SLC12A9: variants seen among roughly 807,000 people sequenced by gnomAD.
SLC12A9 encodes solute carrier family 12 member 9, also known as CCC-interacting protein 1.
A neutral mutation model predicts 66.0 loss-of-function variants in SLC12A9; 55 were observed. The observed-to-expected ratio is 0.83, with a 90% confidence interval of 0.67 to 1.04. SLC12A9 has a LOEUF of 1.04. Ranked by LOEUF, SLC12A9 falls within the 50% of genes least tolerant of loss-of-function variation. The pLI is 0.00. For synonymous variants in SLC12A9, 577 were observed against 569.0 expected, an observed-to-expected ratio of 1.01 and a Z score of -0.20; for missense variants, 1,061 against 1,241.9, an observed-to-expected ratio of 0.85 and a Z score of 2.19.
rs1455172500 is a variant in SLC12A9, at chr7:100,866,194, TGGGGCGGCCGA to T, written c.2343_2353del (p.Glu782AlafsTer12). 16 of 1,607,866 alleles carry T rather than the reference TGGGGCGGCCGA, an allele frequency of 1.0e-5. No individual in the cohort carries two copies. Among genetic ancestry groups the T allele is most frequent in the Admixed American group, 1.7e-5 (1 of 59,762 alleles). On this transcript the variant is annotated frameshift_variant, in exon 14 of 14. Coordinates refer to ENST00000354161, the MANE Select transcript of SLC12A9 (RefSeq NM_020246.4). LOFTEE classifies it high-confidence loss of function. This position sits in a 1 kb window ranked among gnomAD's most constrained non-coding sequence, Gnocchi z 7.3. ...TGTGCCTGGGGCCTCGGGAGGCGCC[TGGGGCGGCCGA>T]GGGGCGGCTGCGGGCACTGCTGAGC... is the stretch of plus-strand genomic sequence containing the variant.
rs1334927417 is a variant in SLC12A9, at chr7:100,861,836, C to T, written c.1636C>T (p.Pro546Ser). The change falls in exon 12 of 14, where the codon CCT (proline) becomes TCT (serine). Residue 546 changes from proline to serine, a missense_variant. Coordinates refer to ENST00000354161, the MANE Select transcript of SLC12A9 (RefSeq NM_020246.4). This position sits in a 1 kb window ranked among gnomAD's most constrained non-coding sequence, Gnocchi z 5.3. ...LLVGNPRGAL[P>S]LLRLANQLKK... ...GGTGGGGAACCCCCGGGGCGCCCTG[C>T]CTCTGCTGCGGTTGGCCAACCAGCT... The T allele has an allele frequency of 1.2e-6, 2 of 1,614,038 alleles. No homozygotes were observed. Among genetic ancestry groups the T allele is most frequent in the Admixed American group, 1.7e-5 (1 of 60,020 alleles).
intron 4 of SLC12A9, 166 bp from the exon 5 acceptor site, chr7:100,856,702 G>C (rs1814407733): frequency 3.0e-6 from 2 of 661,462 alleles, no homozygotes; most frequent in Admixed American, 3.0e-5. Flanking sequence ...TGTGGAGCTG[G>C]GGTTTCACAA....
chr7:100,840,770 G>A (rs1008270242), intron 1 of SLC12A9, among the ~76,000 whole-genome samples: 7 of 151,848 alleles, frequency 4.6e-5, no homozygotes, highest in South Asian at 2.1e-4. Flanking sequence ...AAAAAAAAAA[G>A]GTGTACCCTA....
Position 100,866,092 on chromosome 7 carries a change from C to T in SLC12A9, c.2232C>T (p.Cys744=), listed in dbSNP as rs201555491. 1.4e-5 allele frequency: 23 copies of T among 1,612,974 alleles called. No individual in the cohort carries two copies. The highest frequency in any genetic ancestry group is 1.3e-4 in the East Asian group (6 of 44,858). The part of the protein sequence containing the change: ...PRGGPGYVDV[C]GLFLLQMATI... ...GTGGGCCCGGCTATGTGGATGTCTGCGGCCTCTTCCTGCTGCAGATGGCAA... is the reference window on the plus strand; with the variant it reads ...GTGGGCCCGGCTATGTGGATGTCTGTGGCCTCTTCCTGCTGCAGATGGCAA... Residue 744 remains cysteine, a synonymous_variant, in exon 14 of 14, where the codon TGC becomes TGT. Coordinates refer to ENST00000354161, the MANE Select transcript of SLC12A9 (RefSeq NM_020246.4). The surrounding 1 kb of genome is among the most constrained non-coding windows in gnomAD (Gnocchi z 7.3).
rs780596331 is a variant in SLC12A9, at chr7:100,858,856, C to G, written c.779C>G (p.Thr260Ser). The change falls in exon 6 of 14, where the codon ACC (threonine) becomes AGC (serine). Residue 260 changes from threonine (T) to serine (S), a missense_variant. Coordinates refer to ENST00000354161, the MANE Select transcript of SLC12A9 (RefSeq NM_020246.4). ...CTAGCTGGCTATGCTGAGGACTACA[C>G]CACGGGAGCCGTGATGAATTTTGCC... ...NLGAGYAEDYTTGAVMNFASV... is the reference protein window; with the variant it reads ...NLGAGYAEDYSTGAVMNFASV... 13 of 1,614,082 alleles carry G rather than the reference C, an allele frequency of 8.1e-6. No homozygotes were observed.
At chr7:100,837,101 A>G (rs1166454118) in intron 1 of SLC12A9, among the ~76,000 whole-genome samples, 1 of 152,088 alleles carries the variant, frequency 6.6e-6, no homozygotes, top group Non-Finnish European at 1.5e-5. Flanking sequence ...GATCTCCTCT[A>G]TATCTATACA....
intron 13 of SLC12A9, 121 bp downstream of exon 13, chr7:100,862,948 G>A: frequency 8.2e-7 from 1 of 1,222,178 alleles, no homozygotes; most frequent in South Asian, 1.4e-5. Flanking sequence ...TAGTCGAGAG[G>A]AGATAAGACA....
At position 100,860,015 on chromosome 7, in the gene SLC12A9, C is replaced by T. The variant is rs1432916908; in HGVS notation, c.1108C>T (p.His370Tyr). ...SSLIGASRIL[H>Y]ALARDDLFGV... ...GCTCATTGGTGCCTCCCGCATCCTC[C>T]ATGCCCTGGCCCGGGATGACCTCTT... is the stretch of plus-strand genomic sequence containing the variant. Residue 370 changes from histidine (H) to tyrosine (Y), a missense_variant, in exon 8 of 14, where the codon CAT becomes TAT. Coordinates refer to ENST00000354161, the MANE Select transcript of SLC12A9 (RefSeq NM_020246.4). 6.2e-7 allele frequency: 1 copy of T among 1,614,086 alleles called. No homozygotes were observed. The highest frequency in any genetic ancestry group is 8.5e-7 in the Non-Finnish European group (1 of 1,179,934).
chr7:100,827,316 G>T lies in SLC12A9; in HGVS notation n.228+269G>T, dbSNP rs189006064. ...GGAGTTGGGGTCCCTCCGGGGCCTC[G>T]GGGTCCCGCCCCGGGTGGCGGGGGC... On this transcript the variant is annotated intron_variant and non_coding_transcript_variant, in intron 1 of 1. Coordinates refer to the SLC12A9 transcript ENST00000461016. 227 of 152,352 alleles carry T rather than the reference G, an allele frequency of 1.5e-3. 3 individuals carry two copies. The highest frequency in any genetic ancestry group is 1.1e-3 in the Non-Finnish European group (79 of 68,796). The allele number at this position is 152,352 out of a possible 1,614,324, so 9.4% of individuals were successfully genotyped here. A position where few individuals can be genotyped will look rare whatever the true frequency, so the allele number is the denominator to read the frequency against.
intron 4 of SLC12A9, chr7:100,856,094 C>A: frequency 3.0e-6 from 1 of 330,650 alleles, no homozygotes; most frequent in South Asian, 5.1e-5. Flanking sequence ...CCAGGGAGAG[C>A]TAAGATGCTA....
At chr7:100,834,432 A>G (rs74940576) in intron 1 of SLC12A9, among the ~76,000 whole-genome samples, 1 of 152,244 alleles carries the variant, frequency 6.6e-6, no homozygotes, top group East Asian at 1.9e-4. Context: ...CCACTTATAC[A>G]ATTTTGGAGA....
Position 100,866,513 on chromosome 7 carries a change from C to T in SLC12A9, c.2653C>T (p.Arg885Cys), listed in dbSNP as rs779291642. 24 of 1,569,388 alleles carry T rather than the reference C, an allele frequency of 1.5e-5. No individual in the cohort carries two copies. The highest frequency in any genetic ancestry group is 8.1e-5 in the African/African-American group (6 of 74,162). Residue 885 changes from arginine to cysteine, a missense_variant, in exon 14 of 14, where the codon CGC becomes TGC. Transcript: ENST00000354161. This position sits in a 1 kb window ranked among gnomAD's most constrained non-coding sequence, Gnocchi z 7.3. ...GCCAGCCGATCCCGCCCGATACCCC[C>T]GCTACCTGGCGCTACTGGAGACTCT... The part of the protein sequence containing the change: ...RPPADPARYP[R>C]YLALLETLTR...
At chr7:100,851,691 C>T (rs1269181609), upstream of SLC12A9, among the ~76,000 whole-genome samples, 1 of 141,826 alleles carries the variant, frequency 7.1e-6, no homozygotes, top group Non-Finnish European at 1.5e-5. Context: ...ACTGCGGAGG[C>T]TGAGGCAGGA....
chr7:100,858,912 A>G lies in SLC12A9; in HGVS notation c.835A>G (p.Thr279Ala). 3 of 1,614,150 alleles carry G rather than the reference A, an allele frequency of 1.9e-6. No individual in the cohort carries two copies. Among genetic ancestry groups the G allele is most frequent in the Non-Finnish European group, 1.7e-6 (2 of 1,180,020 alleles). ...CTTTGCTGTCCTCTTTAACGGCTGT[A>G]CAGGCATCATGGCTGGGGCCAACAT... ...SVFAVLFNGC[T>A]GIMAGANMSG... Residue 279 changes from threonine (T) to alanine (A), a missense_variant, in exon 6 of 14, where the codon ACA becomes GCA. By Grantham distance (58) the Thr-to-Ala change is moderately conservative (BLOSUM62 0). Transcript: ENST00000354161.
At chr7:100,854,500 G>A (rs1261023039) in intron 2 of SLC12A9, 120 bp from the exon 3 acceptor site, 4 of 1,595,488 alleles carry the variant, frequency 2.5e-6, no homozygotes, top group South Asian at 1.1e-5. Flanking sequence ...TGGCTGAAGG[G>A]TTTGGGGAGG....
chr7:100,829,048 C>T (rs947185045), intron 1 of SLC12A9, among the ~76,000 whole-genome samples: 1 of 150,598 alleles, frequency 6.6e-6, no homozygotes, highest in Admixed American at 6.6e-5. Flanking sequence ...AGTGCAGTGG[C>T]GTGATCTGGG....
chr7:100,845,731 G>A (rs546744770), intron 1 of SLC12A9, among the ~76,000 whole-genome samples: 132 of 152,228 alleles, frequency 8.7e-4, no homozygotes, highest in Admixed American at 1.5e-3. Flanking sequence ...TGCTTCCCGT[G>A]AAAAGAGAAG....
At chr7:100,830,040 AAAGTAAATAAAT>A (rs956993534) in intron 1 of SLC12A9, among the ~76,000 whole-genome samples, 5 of 151,028 alleles carry the variant, frequency 3.3e-5, no homozygotes, top group East Asian at 1.9e-4. Context: ...AAAAATATAT[AAAGTAAATAAAT>A]AAGTAAATAA....
In SLC12A9 at chr7:100,865,947, A is replaced by C. The variant is rs1815052461; in HGVS notation, c.2087A>C (p.Asn696Thr). ...GCCGACGCCCTCAAGATGAACAAGA[A>C]TGTGGTGCTGGCCCGGGCCAGCGGG... ...TVADALKMNK[N>T]VVLARASGAL... The change falls in exon 14 of 14, where the codon AAT (asparagine) becomes ACT (threonine). Residue 696 changes from asparagine (N) to threonine (T), a missense_variant. Asn to Thr is a moderately conservative substitution (Grantham distance 65). Coordinates refer to ENST00000354161, the MANE Select transcript of SLC12A9 (RefSeq NM_020246.4). 1 of 1,611,078 alleles carries C rather than the reference A, an allele frequency of 6.2e-7. No individual in the cohort carries two copies. The highest frequency in any genetic ancestry group is 1.3e-5 in the African/African-American group (1 of 74,748).
Sources: allele counts gnomAD v4.1 joint callset (sites outside exome capture counted in the v4.1 genomes callset), GRCh38; gene constraint gnomAD v4.1.1; non-coding constraint Gnocchi (gnomAD v3.1); transcripts MANE v1.5; gene names NCBI Gene and HGNC (gene_info 2026-07-23, HGNC 2026-07-21).